The following MAST4 variants were observed in gnomAD, a reference collection of about 807,000 sequenced individuals.
MAST4 encodes the protein microtubule-associated serine/threonine-protein kinase 4.
A neutral mutation model predicts 162.7 loss-of-function variants in MAST4; 89 were observed. The observed-to-expected ratio is 0.55, with a 90% confidence interval of 0.46 to 0.65. The LOEUF (loss-of-function observed/expected upper bound fraction) is 0.65. Among genes scored for constraint, MAST4 ranks in the 30% least tolerant of loss-of-function variants. MAST4 has a pLI of 0.00. For synonymous variants in MAST4, 1,479 were observed against 1,361.1 expected, an observed-to-expected ratio of 1.09 and a Z score of -1.91; for missense variants, 3,153 against 3,374.0, an observed-to-expected ratio of 0.93 and a Z score of 1.62.
intron 4 of MAST4, among the ~76,000 whole-genome samples, chr5:67,024,940 G>A (rs1464483673): frequency 1.3e-5 from 2 of 151,876 alleles, no homozygotes; most frequent in East Asian, 1.9e-4. Flanking sequence ...TGTACCCCAC[G>A]AATATGTACA....
At position 67,163,422 on chromosome 5, in the gene MAST4, A is replaced by G; in HGVS notation, c.4243A>G (p.Ser1415Gly). ...TTCCAAGATCGCGCAAGCCTTTCCC[A>G]GCAAGATGCACTCCCCGCCCACCAT... The part of the protein sequence containing the change: ...GNSKIAQAFP[S>G]KMHSPPTIVR... The change falls in exon 29 of 29, where the codon AGC (serine) becomes GGC (glycine). Residue 1415 changes from serine to glycine, a missense_variant. Around this residue, in one of 7 missense-constraint regions of MAST4, gnomAD observed 619 missense variants for 744.2 expected, o/e 0.83. Coordinates refer to ENST00000403625, the MANE Select transcript of MAST4 (RefSeq NM_001164664.2). This position sits in a 1 kb window ranked among gnomAD's most constrained non-coding sequence, Gnocchi z 7.0. 6.2e-7 allele frequency: 1 copy of G among 1,613,138 alleles called. No homozygotes were observed.
At chr5:66,707,673 A>G (rs1750223324) in intron 1 of MAST4, among the ~76,000 whole-genome samples, 1 of 152,114 alleles carries the variant, frequency 6.6e-6, no homozygotes, top group African/African-American at 2.4e-5. Flanking sequence ...ATACCTCTCT[A>G]AAGACCCTAT....
intron 3 of MAST4, among the ~76,000 whole-genome samples, chr5:66,864,061 A>G (rs1760310161): frequency 6.6e-6 from 1 of 152,234 alleles, no homozygotes; most frequent in Non-Finnish European, 1.5e-5. Context: ...TACTTCATTG[A>G]TTGGTTTAAT....
rs115133551 is a variant in MAST4, at chr5:67,148,228, G to C, written c.3095-1161G>C. On this transcript the variant is annotated intron_variant, in intron 23 of 28. Transcript: ENST00000403625. The stretch of plus-strand genomic sequence containing the variant: ...TATCTCTAAAGGTGATGAGACAGTT[G>C]ATGATTTTTAAGCACATGGGGCTTA... Among the ~76,000 whole-genome samples, 513 of 152,318 alleles carry C rather than the reference G, an allele frequency of 3.4e-3. 6 individuals are homozygous for C. Among genetic ancestry groups the C allele is most frequent in the African/African-American group, 0.012 (481 of 41,562 alleles).
chr5:66,830,636 A>G (rs1757535746), intron 3 of MAST4, among the ~76,000 whole-genome samples: 1 of 152,186 alleles, frequency 6.6e-6, no homozygotes, highest in Non-Finnish European at 1.5e-5. Flanking sequence ...CATGGTTACA[A>G]CTTTACTGTG....
At chr5:66,730,893 T>C (rs1477437890) in intron 1 of MAST4, among the ~76,000 whole-genome samples, 1 of 152,118 alleles carries the variant, frequency 6.6e-6, no homozygotes, top group Non-Finnish European at 1.5e-5. Context: ...AAGAGTACTT[T>C]ACACAAATGT....
chr5:67,141,472 A>G (rs1400382337), intron 19 of MAST4, among the ~76,000 whole-genome samples: 1 of 152,144 alleles, frequency 6.6e-6, no homozygotes, highest in Non-Finnish European at 1.5e-5. Flanking sequence ...AATTGAAAAC[A>G]TTTCACTGAA....
intron 3 of MAST4, among the ~76,000 whole-genome samples, chr5:66,862,628 T>G (rs893002188): frequency 1.3e-5 from 2 of 152,232 alleles, no homozygotes; most frequent in African/African-American, 4.8e-5. Flanking sequence ...CTAAATAGTT[T>G]GTCAATGCCA....
intron 1 of MAST4, among the ~76,000 whole-genome samples, chr5:66,733,154 G>T (rs1392855292): frequency 6.6e-6 from 1 of 151,978 alleles, no homozygotes; most frequent in Non-Finnish European, 1.5e-5. Flanking sequence ...GGTTCCTTTT[G>T]CCTATGAAAT....
In MAST4 at chr5:67,078,739, A is replaced by C. The variant is rs1480602610; in HGVS notation, c.764-11423A>C. 6.0e-5 allele frequency among the ~76,000 whole-genome samples: 7 copies of C among 116,868 alleles called. No homozygotes were observed. The East Asian group carries it at 1.1e-3, about 18-fold the overall frequency. 76.7% of individuals were successfully genotyped at this position (116,868 alleles called of 152,430 possible). On this transcript the variant is annotated intron_variant, in intron 5 of 28. Transcript: ENST00000403625. ...TTTATATTATATTTATATTTATCTA[A>C]ATATATATTTATTTATATTTATCTA...
At chr5:67,024,336 T>TACACACAC (rs775487954) in intron 4 of MAST4, among the ~76,000 whole-genome samples, 2 of 141,154 alleles carry the variant, frequency 1.4e-5, no homozygotes, top group African/African-American at 5.8e-5. Context: ...TATATATATA[T>TACACACAC]ACACACACAC....
intron 4 of MAST4, among the ~76,000 whole-genome samples, chr5:66,998,877 C>T (rs563875617): frequency 3.1e-4 from 47 of 152,284 alleles, no homozygotes; most frequent in African/African-American, 1.1e-3. Flanking sequence ...GGAGCACAGC[C>T]CAGTAGAGGG....
chr5:67,114,180 A>G lies in MAST4; in HGVS notation c.1552A>G (p.Ile518Val), dbSNP rs371063244. The G allele has an allele frequency of 2.5e-6, 4 of 1,611,550 alleles. No individual in the cohort carries two copies. The highest frequency in any genetic ancestry group is 3.4e-6 in the Non-Finnish European group (4 of 1,179,058). ...QGIKTDIPRY[I>V]ISQLGLNKDP... ...TATTAAAACCGACATTCCCAGGTAC[A>G]TCATTAGCCAACTGGGACTCAATAA... is the stretch of plus-strand genomic sequence containing the variant. Residue 518 changes from isoleucine (I) to valine (V), a missense_variant, in exon 12 of 29, where the codon ATC (isoleucine) becomes GTC (valine). This residue lies in a region of MAST4 where 360 missense variants were observed against 450.0 expected (regional missense o/e 0.80). Coordinates refer to ENST00000403625, the MANE Select transcript of MAST4 (RefSeq NM_001164664.2).
At chr5:66,780,725 ATTTTACAGAGTGCTGATTGGTTCAT>A (rs558392231) in intron 2 of MAST4, among the ~76,000 whole-genome samples, 3,037 of 152,090 alleles carry the variant, frequency 0.02, 41 homozygotes, top group Non-Finnish European at 0.032. Context: ...TGATTTGTCC[ATTTTACAGAGTGCTGATTGGTTCAT>A]TTTTACAGAG....
intron 3 of MAST4, among the ~76,000 whole-genome samples, chr5:66,796,146 A>T (rs1298630176): frequency 6.6e-6 from 1 of 152,190 alleles, no homozygotes; most frequent in Non-Finnish European, 1.5e-5. Flanking sequence ...TAAATCAAAG[A>T]TCAGCTTAAA....
chr5:66,946,074 G>A (rs1743996607), intron 4 of MAST4, among the ~76,000 whole-genome samples: 1 of 152,096 alleles, frequency 6.6e-6, no homozygotes, highest in Admixed American at 6.6e-5. Context: ...CTTGAGAAAA[G>A]AGGGAGAAAC....
chr5:67,028,851 G>A (rs6871762), intron 4 of MAST4, among the ~76,000 whole-genome samples: 5,541 of 152,114 alleles, frequency 0.036, 319 homozygotes, highest in African/African-American at 0.12. Flanking sequence ...ATCCACCGCC[G>A]GGCATGGTGA....
intron 3 of MAST4, chr5:66,828,802 G>A (rs756034406): frequency 6.3e-7 from 1 of 1,596,970 alleles, no homozygotes; most frequent in Middle Eastern, 1.7e-4. Context: ...AGTACAGCAT[G>A]GCTAGACTGT....
intron 1 of MAST4, among the ~76,000 whole-genome samples, chr5:66,687,626 G>A: frequency 7.8e-6 from 1 of 128,514 alleles, no homozygotes; most frequent in African/African-American, 3.2e-5. Flanking sequence ...ATACATAGAT[G>A]TGTGTGTGTT....
Sources: allele counts gnomAD v4.1 joint callset (sites outside exome capture counted in the v4.1 genomes callset), GRCh38; gene constraint gnomAD v4.1.1; regional missense constraint gnomAD v4.1.1; non-coding constraint Gnocchi (gnomAD v3.1); transcripts MANE v1.5; gene names NCBI Gene and HGNC (gene_info 2026-07-23, HGNC 2026-07-21).